Variants in TRPC7 observed in about 807,000 individuals in gnomAD.
TRPC7 encodes the protein transient receptor potential cation channel subfamily C member 7, also known as short transient receptor potential channel 7.
TRPC7 carries 42 observed loss-of-function variants against 90.1 expected under a neutral mutation model. The observed-to-expected ratio is 0.47, with a 90% CI of 0.36 to 0.60. TRPC7 has a LOEUF of 0.60. Ranked by LOEUF, TRPC7 falls within the 20% of genes least tolerant of loss-of-function variation. TRPC7 has a pLI of 0.00. For missense variants in TRPC7, 955 were observed against 1,112.3 expected (o/e 0.86, Z 2.01); for synonymous variants, 451 against 436.3 (o/e 1.03, Z -0.42).
chr5:136,331,609 A>G (rs1428124999), intron 2 of TRPC7, among the ~76,000 whole-genome samples: 1 of 152,222 alleles, frequency 6.6e-6, no homozygotes, highest in African/African-American at 2.4e-5. Flanking sequence ...GTAACTGGAT[A>G]TAATTCTGTT....
chr5:136,335,354 G>C (rs927866927), intron 2 of TRPC7, among the ~76,000 whole-genome samples: 3 of 151,870 alleles, frequency 2.0e-5, no homozygotes, highest in Non-Finnish European at 4.4e-5. Context: ...GCTGTTTTAG[G>C]AAATGGAGTT....
In TRPC7 at chr5:136,357,144, G is replaced by T. The variant is rs1262485547; in HGVS notation, c.244C>A (p.Leu82Met). The change falls in exon 2 of 12, where the codon CTG becomes ATG. Residue 82 changes from leucine to methionine, a missense_variant. Transcript: ENST00000513104. ...TGCTCGTTGCCCACGGCCAGCTGCA[G>T]AGCGTTCTGCCCCATGTAGTCCACA... is the stretch of plus-strand genomic sequence containing the variant. ...NCVDYMGQNA[L>M]QLAVGNEHLE... 14 of 1,614,046 alleles carry T rather than the reference G, an allele frequency of 8.7e-6. No individual in the cohort carries two copies. Among genetic ancestry groups the T allele is most frequent in the Non-Finnish European group, 1.2e-5 (14 of 1,180,050 alleles).
intron 3 of TRPC7, among the ~76,000 whole-genome samples, chr5:136,301,481 C>A (rs982230862): frequency 7.9e-5 from 12 of 151,802 alleles, no homozygotes; most frequent in Non-Finnish European, 1.5e-4. Flanking sequence ...TAAAAATAAT[C>A]TTAACTGATG....
At chr5:136,216,360 C>T (rs1755269237) in intron 10 of TRPC7, 85 bp from the exon 11 acceptor site, 7 of 1,052,920 alleles carry the variant, frequency 6.6e-6, no homozygotes, top group Non-Finnish European at 1.0e-5. Context: ...CCCTCCCTCC[C>T]TTGAAGAGCC....
In TRPC7 at chr5:136,247,329, A is replaced by G; in HGVS notation, c.1844+142T>C. On this transcript the variant is annotated intron_variant, in intron 7 of 11. Coordinates refer to ENST00000513104, the MANE Select transcript of TRPC7 (RefSeq NM_020389.3). The surrounding 1 kb of genome is among the most constrained non-coding windows in gnomAD (Gnocchi z 4.2). ...GTTCAACTCCAGAACCTGAACTCTAAACCACCCTTGAATAAAGTTGCCTTT... is the reference window on the plus strand; with the variant it reads ...GTTCAACTCCAGAACCTGAACTCTAGACCACCCTTGAATAAAGTTGCCTTT... 1.1e-6 allele frequency: 1 copy of G among 912,494 alleles called. No homozygotes were observed. The highest frequency in any genetic ancestry group is 1.6e-6 in the Non-Finnish European group (1 of 624,040). 56.5% of individuals were successfully genotyped at this position (912,494 alleles called of 1,614,324 possible).
chr5:136,310,607 G>C (rs1758794987), intron 3 of TRPC7, among the ~76,000 whole-genome samples: 1 of 151,228 alleles, frequency 6.6e-6, no homozygotes, highest in Admixed American at 6.6e-5. Context: ...AAGGAAAGAT[G>C]GCTGGCACCA....
chr5:136,334,446 A>G (rs1412387353), intron 2 of TRPC7, among the ~76,000 whole-genome samples: 2 of 152,372 alleles, frequency 1.3e-5, no homozygotes, highest in South Asian at 2.1e-4. Context: ...TCTCTGCTCA[A>G]GGAGCACAAC....
intron 3 of TRPC7, among the ~76,000 whole-genome samples, chr5:136,290,194 A>G (rs2149823789): frequency 6.6e-6 from 1 of 152,330 alleles, no homozygotes; most frequent in African/African-American, 2.4e-5. Context: ...GATGGGGAAA[A>G]AACAGAGCAG....
intron 7 of TRPC7, among the ~76,000 whole-genome samples, chr5:136,236,068 A>G (rs1424566521): frequency 6.6e-6 from 1 of 152,246 alleles, no homozygotes; most frequent in Admixed American, 6.5e-5. Flanking sequence ...TGTGAAATAT[A>G]AAGTCCAATA....
intron 3 of TRPC7, among the ~76,000 whole-genome samples, chr5:136,294,918 A>G (rs1036853164): frequency 6.6e-6 from 1 of 152,272 alleles, no homozygotes; most frequent in Non-Finnish European, 1.5e-5. Context: ...GACTGGATTA[A>G]GAAAATGTGG....
Position 136,213,380 on chromosome 5 carries a change from G to A in TRPC7, c.*55C>T, listed in dbSNP as rs1755155455. 6.3e-7 allele frequency: 1 copy of A among 1,585,590 alleles called. No individual in the cohort carries two copies. Among genetic ancestry groups the A allele is most frequent in the Non-Finnish European group, 8.6e-7 (1 of 1,162,182 alleles). ...CTCCCCACCAAGGATGGGGGCGAGG[G>A]CATCCAACCTGGCCTTGGAATGCTG... On this transcript the variant is annotated 3_prime_UTR_variant, in exon 12 of 12. Transcript: ENST00000513104.
At chr5:136,214,065 T>C (rs1344718744) in intron 11 of TRPC7, 1 of 159,644 alleles carries the variant, frequency 6.3e-6, no homozygotes, top group Non-Finnish European at 1.4e-5. Flanking sequence ...CTGGAGAGAA[T>C]GGCTCGGCAC....
At chr5:136,250,619 G>A (rs1756488791) in intron 6 of TRPC7, among the ~76,000 whole-genome samples, 3 of 152,164 alleles carry the variant, frequency 2.0e-5, no homozygotes, top group Admixed American at 2.0e-4. Flanking sequence ...TAAGTAAGCA[G>A]ATAATAGCTG....
At chr5:136,216,158 G>A (rs1755260537) in intron 11 of TRPC7, 42 bp downstream of exon 11, 1 of 1,525,110 alleles carries the variant, frequency 6.6e-7, no homozygotes, top group Non-Finnish European at 8.9e-7. Flanking sequence ...CAGAACCTGT[G>A]TTGTTTTAAA....
At chr5:136,296,037 T>C (rs1758158321) in intron 3 of TRPC7, among the ~76,000 whole-genome samples, 1 of 152,156 alleles carries the variant, frequency 6.6e-6, no homozygotes, top group Admixed American at 6.5e-5. Flanking sequence ...GAAAGTTCTA[T>C]ATCACACAAG....
chr5:136,253,528 A>T (rs932567719), intron 5 of TRPC7, among the ~76,000 whole-genome samples: 1 of 152,090 alleles, frequency 6.6e-6, no homozygotes, highest in Non-Finnish European at 1.5e-5. Context: ...TATTATATTC[A>T]TTATGGTTGG....
intron 10 of TRPC7, among the ~76,000 whole-genome samples, chr5:136,216,971 C>A (rs1055180025): frequency 2.0e-5 from 3 of 152,078 alleles, no homozygotes; most frequent in Non-Finnish European, 4.4e-5. Flanking sequence ...GTTAAGCAGG[C>A]GAGGCATGAA....
chr5:136,318,782 C>T lies in TRPC7; in HGVS notation c.781-3003G>A, dbSNP rs114819360. ...CAGCTCACTCCCTCTAGGACCCCTA[C>T]TCCAGCAATCCTTTGATTCCACCTT... On this transcript the variant is annotated intron_variant, in intron 2 of 11. Transcript: ENST00000513104. 3.1e-3 allele frequency among the ~76,000 whole-genome samples: 470 copies of T among 152,286 alleles called. 1 individual carries two copies. Among genetic ancestry groups the T allele is most frequent in the African/African-American group, 0.011 (449 of 41,548 alleles).
intron 1 of TRPC7, among the ~76,000 whole-genome samples, chr5:136,359,093 A>C (rs1760479704): frequency 1.3e-5 from 2 of 152,238 alleles, no homozygotes; most frequent in African/African-American, 4.8e-5. Context: ...GAGATTTTTA[A>C]AAAGTTATGC....
Sources: allele counts gnomAD v4.1 joint callset (sites outside exome capture counted in the v4.1 genomes callset), GRCh38; gene constraint gnomAD v4.1.1; non-coding constraint Gnocchi (gnomAD v3.1); transcripts MANE v1.5; gene names NCBI Gene and HGNC (gene_info 2026-07-23, HGNC 2026-07-21).